TMEM38B: variants seen among roughly 807,000 people sequenced by gnomAD.
The protein encoded by TMEM38B is transmembrane protein 38B, also known as trimeric intracellular cation channel type B.
Under a neutral mutation model 28.7 loss-of-function variants are expected in TMEM38B, and 24 were observed. The observed-to-expected ratio is 0.84, with a 90% confidence interval of 0.61 to 1.18. TMEM38B has a LOEUF of 1.18. TMEM38B is among the 50% of genes most tolerant of loss of function. The probability of loss-of-function intolerance (pLI) is 0.00; values close to 1 mark genes in which losing one functional copy is unlikely to be tolerated. For missense variants in TMEM38B, 380 were observed against 350.9 expected, an observed-to-expected ratio of 1.08 and a Z score of -0.66; for synonymous variants, 131 against 127.7, an observed-to-expected ratio of 1.03 and a Z score of -0.17.
Position 105,756,890 on chromosome 9 carries a change from T to A in TMEM38B, c.660+8700T>A, listed in dbSNP as rs970728941. ...CTGATACTGATAATATATTTGATAA[T>A]CATAATGATTTTTTTATCTTTTAAA... is the stretch of plus-strand genomic sequence containing the variant. On this transcript the variant is annotated intron_variant, in intron 5 of 5. Coordinates refer to ENST00000374692, the MANE Select transcript of TMEM38B (RefSeq NM_018112.3). Among the ~76,000 whole-genome samples, 44 of 152,278 alleles carry A rather than the reference T, an allele frequency of 2.9e-4. 1 individual carries two copies. The highest frequency in any genetic ancestry group is 2.4e-3 in the Admixed American group (37 of 15,296).
At chr9:105,706,226 A>G (rs1288547917) in intron 2 of TMEM38B, among the ~76,000 whole-genome samples, 2 of 152,146 alleles carry the variant, frequency 1.3e-5, no homozygotes, top group Non-Finnish European at 2.9e-5. Flanking sequence ...TGTAAAGTAT[A>G]TCTCTTTCTT....
chr9:105,722,682 T>G, intron 4 of TMEM38B, 61 bp downstream of exon 4: 1 of 1,395,158 alleles, frequency 7.2e-7, no homozygotes, highest in Non-Finnish European at 1.0e-6. Flanking sequence ...ACCAAATTCC[T>G]TTTTAAGAAC....
At chr9:105,760,531 C>A in intron 5 of TMEM38B, 1 of 744,888 alleles carries the variant, frequency 1.3e-6, no homozygotes, top group Non-Finnish European at 2.4e-6. Flanking sequence ...TTCTACCTCT[C>A]AAGCTGCAGT....
chr9:105,743,160 A>G (rs562665555), intron 4 of TMEM38B, among the ~76,000 whole-genome samples: 3 of 152,354 alleles, frequency 2.0e-5, no homozygotes, highest in African/African-American at 7.2e-5. Context: ...AGAACCTGAA[A>G]AAGACAAGGA....
chr9:105,760,220 A>G, intron 5 of TMEM38B: 1 of 879,966 alleles, frequency 1.1e-6, no homozygotes, highest in East Asian at 2.4e-5. Context: ...GATATGTCCA[A>G]ACTTCATGAT....
chr9:105,708,485 T>C (rs1026513587), intron 2 of TMEM38B, among the ~76,000 whole-genome samples: 3 of 152,202 alleles, frequency 2.0e-5, no homozygotes, highest in Non-Finnish European at 4.4e-5. Flanking sequence ...ATGTCACTCA[T>C]GTGCTCAGTA....
chr9:105,755,857 A>T (rs1311851930), intron 5 of TMEM38B, among the ~76,000 whole-genome samples: 1 of 152,216 alleles, frequency 6.6e-6, no homozygotes, highest in Non-Finnish European at 1.5e-5. Flanking sequence ...ATATGTAGAA[A>T]TACAATTGAT....
intron 4 of TMEM38B, among the ~76,000 whole-genome samples, chr9:105,723,584 G>T (rs1436025305): frequency 6.6e-6 from 1 of 152,012 alleles, no homozygotes; most frequent in African/African-American, 2.4e-5. Context: ...TAGAGACAGG[G>T]TCTCATCTCA....
At chr9:105,707,722 G>A (rs956680865) in intron 2 of TMEM38B, among the ~76,000 whole-genome samples, 1 of 152,148 alleles carries the variant, frequency 6.6e-6, no homozygotes, top group African/African-American at 2.4e-5. Flanking sequence ...TTGAGGCATA[G>A]GGAAATGCTG....
chr9:105,759,366 C>T lies in TMEM38B; in HGVS notation c.660+11176C>T, dbSNP rs1353174663. The T allele has an allele frequency of 8.3e-6, 11 of 1,331,836 alleles. No individual in the cohort carries two copies. The East Asian group carries it at 2.1e-4, about 25-fold the overall frequency. The allele number at this position is 1,331,836 out of a possible 1,614,324, so 82.5% of individuals were successfully genotyped here. The stretch of plus-strand genomic sequence containing the variant: ...AATGGAGTGCCTTCTTCTCAGTCTG[C>T]TTCATAGAGAAAAAAGAAGAATAAG... On this transcript the variant is annotated intron_variant, in intron 5 of 5. Coordinates refer to ENST00000374692, the MANE Select transcript of TMEM38B (RefSeq NM_018112.3).
At chr9:105,764,443 C>G (rs993810056) in intron 5 of TMEM38B, among the ~76,000 whole-genome samples, 1 of 152,166 alleles carries the variant, frequency 6.6e-6, no homozygotes, top group Non-Finnish European at 1.5e-5. Context: ...CAACAACACA[C>G]AAACAGAGAG....
rs1489487093 is a variant in TMEM38B at position 105,705,615 on chromosome 9, G to A, written c.131G>A (p.Trp44Ter). 2 of 1,613,574 alleles carry A rather than the reference G, an allele frequency of 1.2e-6. No individual in the cohort carries two copies. Among genetic ancestry groups the A allele is most frequent in the Non-Finnish European group, 1.7e-6 (2 of 1,179,822 alleles). ...ATTTCAGGAGCAGCTGCATTGGCAT[G>A]GAAGAATCCTATTTCAAGCTGGTTT... ...KRQPGAAALA[W>*]KNPISSWFTA... The change falls in exon 2 of 6, where the codon TGG (tryptophan) becomes TAG (stop). Residue 44 changes from tryptophan to a stop codon, truncating the protein, a stop_gained. Coordinates refer to ENST00000374692, the MANE Select transcript of TMEM38B (RefSeq NM_018112.3). LOFTEE classifies it high-confidence loss of function.
At chr9:105,748,939 G>A (rs774932884) in intron 5 of TMEM38B, 6 of 490,144 alleles carry the variant, frequency 1.2e-5, no homozygotes, top group Non-Finnish European at 1.9e-5. Context: ...AAATTTTATG[G>A]CCACCTCTGT....
intron 1 of TMEM38B, among the ~76,000 whole-genome samples, chr9:105,694,975 A>C (rs1405769940): frequency 2.6e-5 from 4 of 152,156 alleles, no homozygotes; most frequent in African/African-American, 7.2e-5. Context: ...GGGAGGACGG[A>C]GGCTCTAGTA....
intron 4 of TMEM38B, among the ~76,000 whole-genome samples, chr9:105,734,481 T>C (rs1836893582): frequency 6.6e-6 from 1 of 152,086 alleles, no homozygotes; most frequent in Non-Finnish European, 1.5e-5. Flanking sequence ...TAGTTCACAT[T>C]CAGTATTTCT....
intron 5 of TMEM38B, among the ~76,000 whole-genome samples, chr9:105,753,010 A>T (rs1456563592): frequency 4.6e-5 from 7 of 152,184 alleles, no homozygotes; most frequent in Non-Finnish European, 8.8e-5. Context: ...CAACATGAGA[A>T]CTTCACAATG....
At position 105,760,823 on chromosome 9, in the gene TMEM38B, A is replaced by G. The variant is rs1038962598; in HGVS notation, c.660+12633A>G. Reference sequence around the variant, plus strand: ...GAAGCCATATCTGAGAATGTAGCTAATCAAAAGGAAGTCTGTTATTAATAA... The same window carrying G: ...GAAGCCATATCTGAGAATGTAGCTAGTCAAAAGGAAGTCTGTTATTAATAA... On this transcript the variant is annotated intron_variant, in intron 5 of 5. Coordinates refer to ENST00000374692, the MANE Select transcript of TMEM38B (RefSeq NM_018112.3). The G allele has an allele frequency of 8.6e-6, 6 of 695,988 alleles. No homozygotes were observed. In the African/African-American group the frequency reaches 1.1e-4, roughly 13 times the overall value. 43.1% of individuals were successfully genotyped at this position (695,988 alleles called of 1,614,324 possible).
At chr9:105,733,403 C>G (rs1836841396) in intron 4 of TMEM38B, among the ~76,000 whole-genome samples, 1 of 146,930 alleles carries the variant, frequency 6.8e-6, no homozygotes, top group African/African-American at 2.6e-5. Context: ...GAGATATTGG[C>G]TTGCAGTTTT....
intron 5 of TMEM38B, among the ~76,000 whole-genome samples, chr9:105,751,117 CATGGCACTCATGG>C (rs1837632433): frequency 6.6e-6 from 1 of 152,148 alleles, no homozygotes; most frequent in African/African-American, 2.4e-5. Context: ...AGCTGTGGTC[CATGGCACTCATGG>C]AGAGAAGTGA....
Sources: gnomAD v4.1 joint callset for allele counts (sites outside exome capture counted in the v4.1 genomes callset) on GRCh38, gnomAD v4.1.1 for gene constraint, MANE v1.5 for transcripts, NCBI Gene and HGNC (gene_info 2026-07-23, HGNC 2026-07-21) for gene names.